The following ADARB2 variants were observed in gnomAD, a reference collection of about 807,000 sequenced individuals.
The protein encoded by ADARB2 is adenosine deaminase RNA specific B2 (inactive), also known as inactive double-stranded RNA-specific editase B2.
A neutral mutation model predicts 62.2 loss-of-function variants in ADARB2; 25 were observed. The observed-to-expected ratio is 0.40, with a 90% confidence interval of 0.29 to 0.56. ADARB2 has a LOEUF of 0.56. ADARB2 is among the 20% of genes least tolerant of loss of function. The pLI, the probability that ADARB2 is intolerant of heterozygous loss-of-function variation, is 0.43. For synonymous variants in ADARB2, 572 were observed against 500.8 expected, an observed-to-expected ratio of 1.14 and a Z score of -1.90; for missense variants, 1,071 against 1,077.4, an observed-to-expected ratio of 0.99 and a Z score of 0.08.
chr10:1,276,106 A>G (rs1293751654), intron 3 of ADARB2, among the ~76,000 whole-genome samples: 1 of 152,082 alleles, frequency 6.6e-6, no homozygotes, highest in Non-Finnish European at 1.5e-5. Flanking sequence ...TGGTTGAACT[A>G]GTTTACAGTC....
intron 6 of ADARB2, among the ~76,000 whole-genome samples, chr10:1,220,399 TGTG>T (rs1398878812): frequency 4.4e-5 from 6 of 135,064 alleles, no homozygotes; most frequent in Non-Finnish European, 8.1e-5. Flanking sequence ...TGATGGTGAT[TGTG>T]GTGGTGATGA....
At chr10:1,728,941 A>G (rs1273681747) in intron 1 of ADARB2, among the ~76,000 whole-genome samples, 1 of 152,240 alleles carries the variant, frequency 6.6e-6, no homozygotes, top group Non-Finnish European at 1.5e-5. Flanking sequence ...TTCAAAAGCT[A>G]CTGCTTATCC....
chr10:1,488,221 C>CAAAAAAAA (rs573554204), intron 1 of ADARB2, among the ~76,000 whole-genome samples: 4 of 130,324 alleles, frequency 3.1e-5, no homozygotes, highest in South Asian at 4.9e-4. Flanking sequence ...TCAGATTTGG[C>CAAAAAAAA]AAAGAAAAAA....
rs1252098579 is a variant in ADARB2 at position 1,180,554 on chromosome 10, T to A, written c.*2639A>T. On this transcript the variant is annotated 3_prime_UTR_variant, in exon 10 of 10. Coordinates refer to ENST00000381312, the MANE Select transcript of ADARB2 (RefSeq NM_018702.4). ...CTGCCAGTTGGGAGCAGCCTGCGTG[T>A]GGCGTGATCTGGTGTGGCGTGCCTC... 6.5e-6 allele frequency: 1 copy of A among 152,682 alleles called. No individual in the cohort carries two copies. Among genetic ancestry groups the A allele is most frequent in the Non-Finnish European group, 1.5e-5 (1 of 68,458 alleles). 9.5% of individuals were successfully genotyped at this position (152,682 alleles called of 1,614,324 possible). A position where few individuals can be genotyped will look rare whatever the true frequency, so the allele number is the denominator to read the frequency against.
chr10:1,232,730 ATG>A (rs1830820373), intron 6 of ADARB2, among the ~76,000 whole-genome samples: 1 of 61,860 alleles, frequency 1.6e-5, no homozygotes, highest in Non-Finnish European at 2.9e-5. Flanking sequence ...TGTGTAGTGT[ATG>A]TGACATGAGT....
intron 1 of ADARB2, among the ~76,000 whole-genome samples, chr10:1,659,297 A>T (rs1230659830): frequency 6.6e-6 from 1 of 152,202 alleles, no homozygotes; most frequent in African/African-American, 2.4e-5. Flanking sequence ...ATAAACGGGG[A>T]TGGGAGTCCT....
chr10:1,464,154 CG>C (rs1295028959), intron 1 of ADARB2, among the ~76,000 whole-genome samples: 1 of 150,878 alleles, frequency 6.6e-6, no homozygotes, highest in East Asian at 2.0e-4. Flanking sequence ...CACACACGCG[CG>C]GGGGGCAGTC....
rs898684431 is a variant in ADARB2, at chr10:1,414,991, GTGGA to G, written c.101-35835_101-35832del. Among the ~76,000 whole-genome samples, 169 of 151,766 alleles carry G rather than the reference GTGGA, an allele frequency of 1.1e-3. No homozygotes were observed. In the Middle Eastern group the frequency reaches 0.017, roughly 15 times the overall value. On this transcript the variant is annotated intron_variant, in intron 1 of 9. Coordinates refer to ENST00000381312, the MANE Select transcript of ADARB2 (RefSeq NM_018702.4). ...TGGTGAATGGATAGGATGATAGAAG[GTGGA>G]TGGATGGATGGATGGATGGATAGAT...
At chr10:1,326,633 G>T (rs1439797959) in intron 3 of ADARB2, among the ~76,000 whole-genome samples, 1 of 150,702 alleles carries the variant, frequency 6.6e-6, no homozygotes, top group Non-Finnish European at 1.5e-5. Flanking sequence ...AGAAGAAAAA[G>T]AAGAAAAACA....
intron 1 of ADARB2, among the ~76,000 whole-genome samples, chr10:1,714,278 T>G (rs1221751283): frequency 6.6e-6 from 1 of 152,216 alleles, no homozygotes; most frequent in East Asian, 1.9e-4. Flanking sequence ...GTAAACGACG[T>G]GTGAGTGTCG....
chr10:1,453,868 T>G (rs951050748), intron 1 of ADARB2, among the ~76,000 whole-genome samples: 1 of 152,176 alleles, frequency 6.6e-6, no homozygotes, highest in Non-Finnish European at 1.5e-5. Flanking sequence ...TGGAACGCTG[T>G]GCACTGATGG....
At chr10:1,361,387 A>G (rs10903429) in intron 3 of ADARB2, 147,209 of 152,328 alleles carry the variant, frequency 0.97, 71,302 homozygotes, top group Middle Eastern at 1. Flanking sequence ...TGTGGAAGCC[A>G]TCCTTGCTGT....
At chr10:1,707,503 G>A (rs1037653753) in intron 1 of ADARB2, among the ~76,000 whole-genome samples, 6 of 152,202 alleles carry the variant, frequency 3.9e-5, no homozygotes. Flanking sequence ...TAGCCTTTGA[G>A]ACGTCCTGAT....
chr10:1,311,547 A>C (rs1192594005), intron 3 of ADARB2, among the ~76,000 whole-genome samples: 1 of 152,176 alleles, frequency 6.6e-6, no homozygotes, highest in Non-Finnish European at 1.5e-5. Context: ...AGATACTCTG[A>C]ACTCAGAGGA....
intron 1 of ADARB2, among the ~76,000 whole-genome samples, chr10:1,463,159 G>T (rs753875613): frequency 2.6e-5 from 4 of 152,156 alleles, no homozygotes; most frequent in African/African-American, 4.8e-5. Context: ...GTGGGATTGG[G>T]GGCTGCAGCG....
At chr10:1,657,151 A>G (rs542166243) in intron 1 of ADARB2, among the ~76,000 whole-genome samples, 47 of 152,294 alleles carry the variant, frequency 3.1e-4, no homozygotes, top group African/African-American at 1.1e-3. Context: ...AAGTTCGAAA[A>G]GAGGTCTTCA....
At chr10:1,472,400 A>G (rs1831335596) in intron 1 of ADARB2, among the ~76,000 whole-genome samples, 1 of 152,114 alleles carries the variant, frequency 6.6e-6, no homozygotes, top group Non-Finnish European at 1.5e-5. Flanking sequence ...GGGGTCAGCC[A>G]GGTGTGAGGA....
intron 2 of ADARB2, 119 bp downstream of exon 2, chr10:1,378,955 T>G: frequency 1.2e-6 from 1 of 810,718 alleles, no homozygotes; most frequent in Non-Finnish European, 2.1e-6. Context: ...TCTCTCCAGG[T>G]AAGACCAAAC....
At chr10:1,233,605 G>T in intron 6 of ADARB2, 89 bp downstream of exon 6, 3 of 1,414,304 alleles carry the variant, frequency 2.1e-6, no homozygotes, top group Non-Finnish European at 2.8e-6. Context: ...CCGCGCCCCT[G>T]CCCTGGGCTG....
Sources: allele counts gnomAD v4.1 joint callset (sites outside exome capture counted in the v4.1 genomes callset), GRCh38; gene constraint gnomAD v4.1.1; transcripts MANE v1.5; gene names NCBI Gene and HGNC (gene_info 2026-07-23, HGNC 2026-07-21).